Variants in TXNDC15 observed in about 807,000 individuals in gnomAD.
TXNDC15 encodes the protein thioredoxin domain-containing protein 15.
In TXNDC15, 24 loss-of-function variants were observed where a neutral mutation model predicts 35.0. The observed-to-expected ratio is 0.68, with a 90% CI of 0.50 to 0.96. The LOEUF (loss-of-function observed/expected upper bound fraction) is 0.96, where lower values mean the gene tolerates loss of function less well. Ranked by LOEUF, TXNDC15 falls within the 40% of genes least tolerant of loss-of-function variation. TXNDC15 has a pLI of 0.00. For synonymous variants in TXNDC15, 169 were observed against 174.0 expected, an observed-to-expected ratio of 0.97 and a Z score of 0.23; for missense variants, 385 against 453.3, an observed-to-expected ratio of 0.85 and a Z score of 1.37.
intron 1 of TXNDC15, among the ~76,000 whole-genome samples, chr5:134,882,723 G>A (rs1013230068): frequency 2.0e-4 from 31 of 152,174 alleles, no homozygotes; most frequent in Non-Finnish European, 2.6e-4. Context: ...GCCTGCAATC[G>A]CAGGCACTCG....
chr5:134,899,450 T>TC, intron 4 of TXNDC15, 39 bp from the exon 5 acceptor site: 1 of 1,585,982 alleles, frequency 6.3e-7, no homozygotes, highest in Non-Finnish European at 8.6e-7. Context: ...TGGTGGGTGC[T>TC]TTTTCTGCCT....
chr5:134,887,483 G>A (rs780834947), intron 1 of TXNDC15, among the ~76,000 whole-genome samples: 4 of 152,184 alleles, frequency 2.6e-5, no homozygotes, highest in Non-Finnish European at 4.4e-5. Context: ...CACCATGCCC[G>A]GCCTTCTTTG....
In TXNDC15 at chr5:134,899,739, T is replaced by C. The variant is rs189923607; in HGVS notation, c.*54T>C. The C allele has an allele frequency of 8.7e-5, 123 of 1,416,362 alleles. 1 individual carries two copies. In the East Asian group the frequency reaches 1.0e-3, roughly 12 times the overall value. 87.7% of individuals were successfully genotyped at this position (1,416,362 alleles called of 1,614,324 possible). A position where few individuals can be genotyped will look rare whatever the true frequency, so the allele number is the denominator to read the frequency against. On this transcript the variant is annotated 3_prime_UTR_variant, in exon 5 of 5. Transcript: ENST00000358387. The stretch of plus-strand genomic sequence containing the variant: ...AACTTCAATCCTTCGTTTCAGAAAT[T>C]AGTGCTACAGTTTCATACATTTTCT...
chr5:134,882,667 G>A (rs564073319), intron 1 of TXNDC15, among the ~76,000 whole-genome samples: 74 of 152,218 alleles, frequency 4.9e-4, no homozygotes, highest in East Asian at 1.8e-3. Flanking sequence ...GCGAAACCCC[G>A]TCTCCACCCA....
chr5:134,874,594 C>A, intron 1 of TXNDC15, 64 bp downstream of exon 1: 1 of 1,363,368 alleles, frequency 7.3e-7, no homozygotes, highest in African/African-American at 1.5e-5. Flanking sequence ...CCGGGCGACG[C>A]TCTGGACCTG....
chr5:134,886,332 A>T (rs914584890), intron 1 of TXNDC15, among the ~76,000 whole-genome samples: 1 of 152,228 alleles, frequency 6.6e-6, no homozygotes, highest in Non-Finnish European at 1.5e-5. Flanking sequence ...CGCAGAACTC[A>T]TCACCCAGCG....
intron 1 of TXNDC15, chr5:134,875,018 G>T (rs1004509992): frequency 3.4e-5 from 14 of 406,492 alleles, no homozygotes; most frequent in African/African-American, 2.9e-4. Context: ...CTCAGGCCCC[G>T]CCTAAGTTTG....
chr5:134,882,166 C>T (rs1197062943), intron 1 of TXNDC15, among the ~76,000 whole-genome samples: 11 of 147,960 alleles, frequency 7.4e-5, no homozygotes, highest in African/African-American at 2.3e-4. Context: ...ACTTCTCAGA[C>T]GGGGTGGCCG....
chr5:134,887,039 CA>C (rs903022346), intron 1 of TXNDC15, among the ~76,000 whole-genome samples: 8 of 152,156 alleles, frequency 5.3e-5, no homozygotes, highest in African/African-American at 1.7e-4. Flanking sequence ...AAACTCTTAT[CA>C]AAAAATGAAA....
At chr5:134,889,171 G>A (rs1750337738) in intron 2 of TXNDC15, among the ~76,000 whole-genome samples, 1 of 152,232 alleles carries the variant, frequency 6.6e-6, no homozygotes, top group South Asian at 2.1e-4. Context: ...GACTGGGAGA[G>A]AGCAGTTTAA....
chr5:134,883,001 C>T (rs1474918417), intron 1 of TXNDC15, among the ~76,000 whole-genome samples: 2 of 152,190 alleles, frequency 1.3e-5, no homozygotes, highest in African/African-American at 2.4e-5. Context: ...TTTAAAAGTA[C>T]GATTTGGGCT....
chr5:134,878,054 C>T lies in TXNDC15; in HGVS notation c.103+3524C>T, dbSNP rs188600787. ...CCTCCCAAAGTGCTGGGATTACAGGCGTGAGCCACTGCGCCTGGCCTAATT... is the reference window on the plus strand; with the variant it reads ...CCTCCCAAAGTGCTGGGATTACAGGTGTGAGCCACTGCGCCTGGCCTAATT... On this transcript the variant is annotated intron_variant, in intron 1 of 4. Coordinates refer to ENST00000358387, the MANE Select transcript of TXNDC15 (RefSeq NM_024715.4). Among the ~76,000 whole-genome samples, 511 of 152,026 alleles carry T rather than the reference C, an allele frequency of 3.4e-3. 7 individuals are homozygous for T. The East Asian group carries it at 0.037, about 11-fold the overall frequency.
At chr5:134,895,735 C>T (rs1353590063) in intron 3 of TXNDC15, among the ~76,000 whole-genome samples, 1 of 152,148 alleles carries the variant, frequency 6.6e-6, no homozygotes, top group East Asian at 1.9e-4. Context: ...AGTGTTTTGA[C>T]TTGGGAGCTT....
intron 1 of TXNDC15, among the ~76,000 whole-genome samples, chr5:134,882,039 A>G (rs1179580459): frequency 5.4e-5 from 8 of 148,194 alleles, no homozygotes; most frequent in African/African-American, 2.0e-4. Flanking sequence ...GGGGCTCCTC[A>G]CTTCTCAGAC....
intron 1 of TXNDC15, among the ~76,000 whole-genome samples, chr5:134,884,247 T>G (rs1750228253): frequency 6.6e-6 from 1 of 150,590 alleles, no homozygotes; most frequent in South Asian, 2.1e-4. Flanking sequence ...GGGTACAATT[T>G]GATCTTTTTT....
chr5:134,879,976 A>T (rs1750110109), intron 1 of TXNDC15, among the ~76,000 whole-genome samples: 1 of 152,014 alleles, frequency 6.6e-6, no homozygotes, highest in Admixed American at 6.6e-5. Context: ...TTGTATTTTT[A>T]GTACAGACGG....
intron 1 of TXNDC15, among the ~76,000 whole-genome samples, chr5:134,878,480 G>T (rs1012558553): frequency 6.6e-6 from 1 of 152,144 alleles, no homozygotes; most frequent in African/African-American, 2.4e-5. Flanking sequence ...ACTGTTTTTG[G>T]TCCCTCCTCA....
Position 134,896,290 on chromosome 5 carries a change from G to A in TXNDC15, c.756-4G>A, listed in dbSNP as rs199565776. The A allele has an allele frequency of 1.9e-6, 3 of 1,609,488 alleles. No individual in the cohort carries two copies. Among genetic ancestry groups the A allele is most frequent in the Admixed American group, 3.4e-5 (2 of 58,758 alleles). The stretch of plus-strand genomic sequence containing the variant: ...TCAGGTTTTTTGACTTCTTTCTCTT[G>A]TAGCCTTTCTACCAGGTTTGGCACC... On this transcript the variant is annotated splice_polypyrimidine_tract_variant and splice_region_variant and intron_variant, in intron 3 of 4. Transcript: ENST00000358387.
At chr5:134,895,523 A>G (rs965827984) in intron 3 of TXNDC15, among the ~76,000 whole-genome samples, 1 of 152,194 alleles carries the variant, frequency 6.6e-6, no homozygotes, top group African/African-American at 2.4e-5. Context: ...TATGGAGACT[A>G]AGGCTCTTGC....
Sources: gnomAD v4.1 joint callset for allele counts (sites outside exome capture counted in the v4.1 genomes callset) on GRCh38, gnomAD v4.1.1 for gene constraint, MANE v1.5 for transcripts, NCBI Gene and HGNC (gene_info 2026-07-23, HGNC 2026-07-21) for gene names.